Variants in PTP4A1 observed in about 807,000 individuals in gnomAD.
The protein encoded by PTP4A1 is protein tyrosine phosphatase type IVA 1.
In PTP4A1, 9 loss-of-function variants were observed where a neutral mutation model predicts 20.5. The ratio of observed to expected loss-of-function variants is 0.44; its 90% CI spans 0.26 to 0.77. The LOEUF is 0.77. Ranked by LOEUF, PTP4A1 falls within the 30% of genes least tolerant of loss-of-function variation. The pLI is 0.19. For missense variants in PTP4A1, 137 were observed against 218.8 expected (o/e 0.63, Z 2.36); for synonymous variants, 78 against 67.4 (o/e 1.16, Z -0.77).
At chr6:63,580,013 G>A (rs762698643) in intron 5 of PTP4A1, 44 bp from the exon 6 acceptor site, 5 of 1,413,416 alleles carry the variant, frequency 3.5e-6, no homozygotes, top group Non-Finnish European at 4.9e-6. Context: ...TATTACTGTA[G>A]GGGGCTTTTG....
upstream of PTP4A1, among the ~76,000 whole-genome samples, chr6:63,520,630 CAAATAAAT>C (rs201294226): frequency 0.34 from 46,746 of 138,784 alleles, 7,822 homozygotes; most frequent in Admixed American, 0.41. Context: ...GACTCTGTCT[CAAATAAAT>C]AAATAAATAA....
intron 2 of PTP4A1, among the ~76,000 whole-genome samples, chr6:63,544,897 C>T (rs1226392847): frequency 6.6e-6 from 1 of 152,138 alleles, no homozygotes; most frequent in East Asian, 1.9e-4. Context: ...AACTACTTTT[C>T]CCTTTACAAT....
intron 2 of PTP4A1, among the ~76,000 whole-genome samples, chr6:63,547,089 C>T (rs1364869149): frequency 6.6e-6 from 1 of 152,098 alleles, no homozygotes; most frequent in Non-Finnish European, 1.5e-5. Context: ...CTTTCACAGG[C>T]ACCATTTTGG....
At chr6:63,551,859 A>C (rs1776458040) in intron 3 of PTP4A1, among the ~76,000 whole-genome samples, 1 of 152,222 alleles carries the variant, frequency 6.6e-6, no homozygotes, top group Admixed American at 6.5e-5. Flanking sequence ...ACGTCCCTAC[A>C]AAGGACATGA....
At chr6:63,550,823 A>G (rs1218760381) in intron 3 of PTP4A1, among the ~76,000 whole-genome samples, 1 of 152,068 alleles carries the variant, frequency 6.6e-6, no homozygotes, top group Non-Finnish European at 1.5e-5. Flanking sequence ...CAGGGATTTC[A>G]CCATGTTGGC....
chr6:63,581,825 A>C lies in PTP4A1; in HGVS notation c.*1651A>C, dbSNP rs1266267103. On this transcript the variant is annotated 3_prime_UTR_variant, in exon 6 of 6. Transcript: ENST00000626021. ...CAAATTAATAATTACATACCTTTAT[A>C]GATTTTGAAATTAATTTAAATATTA... 6.6e-6 allele frequency: 1 copy of C among 152,186 alleles called. No individual in the cohort carries two copies. Among genetic ancestry groups the C allele is most frequent in the African/African-American group, 2.4e-5 (1 of 41,464 alleles). 9.4% of individuals were successfully genotyped at this position (152,186 alleles called of 1,614,324 possible).
At chr6:63,559,010 A>C (rs796939909) in intron 3 of PTP4A1, among the ~76,000 whole-genome samples, 7 of 152,366 alleles carry the variant, frequency 4.6e-5, no homozygotes, top group African/African-American at 1.7e-4. Context: ...ATCAAAGGCC[A>C]TAAGGATGGC....
At chr6:63,579,909 C>T in intron 5 of PTP4A1, 148 bp from the exon 6 acceptor site, 1 of 633,466 alleles carries the variant, frequency 1.6e-6, no homozygotes, top group Non-Finnish European at 2.8e-6. Context: ...CACTGATGTG[C>T]CTGTTCATAT....
At chr6:63,538,852 G>C (rs549801547) in intron 2 of PTP4A1, among the ~76,000 whole-genome samples, 1 of 152,042 alleles carries the variant, frequency 6.6e-6, no homozygotes, top group African/African-American at 2.4e-5. Flanking sequence ...ATGATACTAG[G>C]TGTGGGAACC....
chr6:63,517,891 C>A (rs527907903), upstream of PTP4A1, among the ~76,000 whole-genome samples: 1 of 152,116 alleles, frequency 6.6e-6, no homozygotes, highest in African/African-American at 2.4e-5. Flanking sequence ...TGGTGGCTCA[C>A]GCCTGCAATC....
intron 2 of PTP4A1, among the ~76,000 whole-genome samples, chr6:63,546,995 C>T (rs974418253): frequency 8.6e-5 from 13 of 152,004 alleles, no homozygotes; most frequent in Admixed American, 6.6e-4. Context: ...GTTGATAAAA[C>T]ATTCTTTTTT....
chr6:63,517,396 T>G (rs529282371), upstream of PTP4A1, among the ~76,000 whole-genome samples: 3 of 152,260 alleles, frequency 2.0e-5, no homozygotes, highest in East Asian at 5.8e-4. Context: ...TTACACCAAG[T>G]GTTGCCTAAT....
intron 1 of PTP4A1, among the ~76,000 whole-genome samples, chr6:63,526,698 C>T (rs928880715): frequency 6.6e-6 from 1 of 150,968 alleles, no homozygotes; most frequent in Non-Finnish European, 1.5e-5. Context: ...GTCTCAGCTA[C>T]TCCGGAGGCT....
rs375463465 is a variant in PTP4A1, at chr6:63,535,897, C to T, written c.-640+7813C>T. ...CTGCAATTCTCCTGCTTCAGCCTCC[C>T]GAGTATCTGGGTTTACAGGCGTGCG... On this transcript the variant is annotated intron_variant, in intron 2 of 3. Transcript: ENST00000639568. Among the ~76,000 whole-genome samples, 50 of 152,310 alleles carry T rather than the reference C, an allele frequency of 3.3e-4. No individual in the cohort carries two copies. The East Asian group carries it at 8.6e-3, about 26-fold the overall frequency.
intron 2 of PTP4A1, chr6:63,549,121 T>A: frequency 4.3e-6 from 3 of 696,050 alleles, no homozygotes; most frequent in South Asian, 1.5e-5. Context: ...GGTCTCTTAG[T>A]GGGGATGCCC....
intron 2 of PTP4A1, among the ~76,000 whole-genome samples, chr6:63,535,062 A>AAAT (rs933328849): frequency 3.3e-5 from 5 of 151,906 alleles, no homozygotes; most frequent in Middle Eastern, 3.4e-3. Flanking sequence ...CTCCTTCACA[A>AAAT]AATAATAATA....
chr6:63,576,635 C>G lies in PTP4A1; in HGVS notation c.-246C>G, dbSNP rs933464413. ...ATCCACAGAGCATTTTACAAGAGTT[C>G]TGACCTGGATGGGGTAAACCTCAGT... is the stretch of plus-strand genomic sequence containing the variant. On this transcript the variant is annotated 5_prime_UTR_variant, in exon 2 of 6. Coordinates refer to ENST00000626021, the MANE Select transcript of PTP4A1 (RefSeq NM_003463.5). 1.2e-5 allele frequency: 6 copies of G among 520,228 alleles called. No homozygotes were observed. The highest frequency in any genetic ancestry group is 2.0e-5 in the Non-Finnish European group (6 of 297,526). The allele number at this position is 520,228 out of a possible 1,614,324, so 32.2% of individuals were successfully genotyped here. A position where few individuals can be genotyped will look rare whatever the true frequency, so the allele number is the denominator to read the frequency against.
Position 63,580,319 on chromosome 6 carries a change from C to T in PTP4A1, c.*145C>T. ...CAGTTTTACCAGGCCTCAAGCTAGA[C>T]AGATTTGGCAACCTCTGTATTTGGG... On this transcript the variant is annotated 3_prime_UTR_variant, in exon 6 of 6. Coordinates refer to ENST00000626021, the MANE Select transcript of PTP4A1 (RefSeq NM_003463.5). 1.5e-6 allele frequency: 1 copy of T among 664,702 alleles called. No individual in the cohort carries two copies. The highest frequency in any genetic ancestry group is 1.8e-5 in the African/African-American group (1 of 55,536). 41.2% of individuals were successfully genotyped at this position (664,702 alleles called of 1,614,324 possible).
chr6:63,578,177 A>G (rs1390011552), intron 2 of PTP4A1, among the ~76,000 whole-genome samples: 1 of 152,248 alleles, frequency 6.6e-6, no homozygotes, highest in Non-Finnish European at 1.5e-5. Context: ...GGGGGCACAC[A>G]ATTTAAACAA....
Sources: allele counts gnomAD v4.1 joint callset (sites outside exome capture counted in the v4.1 genomes callset), GRCh38; gene constraint gnomAD v4.1.1; transcripts MANE v1.5; gene names NCBI Gene and HGNC (gene_info 2026-07-23, HGNC 2026-07-21).